Variants in AZIN2 observed in about 807,000 individuals in gnomAD.
AZIN2 encodes ODC antizyme inhibitor-2.
A neutral mutation model predicts 47.8 loss-of-function variants in AZIN2; 28 were observed. That is an observed-to-expected ratio of 0.59 (90% CI 0.43 to 0.80). The LOEUF (loss-of-function observed/expected upper bound fraction) is 0.80. Ranked by LOEUF, AZIN2 falls within the 30% of genes least tolerant of loss-of-function variation. The pLI is 0.00. For missense variants in AZIN2, 535 were observed against 582.5 expected (o/e 0.92, Z 0.84); for synonymous variants, 221 against 239.4 (o/e 0.92, Z 0.71).
the AZIN2 span, chr1:33,163,501 A>T: frequency 1.3e-5 from 2 of 152,244 alleles, no homozygotes; most frequent in Admixed American, 1.3e-4. Context: ...GTTCTGCTCA[A>T]CTGGTGCACC....
chr1:33,102,983 C>T (rs1439357240), intron 10 of AZIN2, among the ~76,000 whole-genome samples: 1 of 152,162 alleles, frequency 6.6e-6, no homozygotes, highest in Non-Finnish European at 1.5e-5. Flanking sequence ...ACATGCAGTC[C>T]ACCTGCAATT....
chr1:33,143,966 C>T, the AZIN2 span, among the ~76,000 whole-genome samples: 1 of 152,216 alleles, frequency 6.6e-6, no homozygotes. Flanking sequence ...GCCCCCATGT[C>T]TCTTGCCTGA....
At chr1:33,096,499 C>T (rs1315853936) in intron 8 of AZIN2, among the ~76,000 whole-genome samples, 1 of 152,186 alleles carries the variant, frequency 6.6e-6, no homozygotes, top group Non-Finnish European at 1.5e-5. Context: ...GTGATTTACA[C>T]AAGCACGAGG....
At chr1:33,133,581 A>G in the AZIN2 span, among the ~76,000 whole-genome samples, 206 of 152,334 alleles carry the variant, frequency 1.4e-3, no homozygotes, top group African/African-American at 4.7e-3. Context: ...GATGGTGATC[A>G]CTGCAGCTTG....
the AZIN2 span, among the ~76,000 whole-genome samples, chr1:33,155,519 T>C: frequency 6.6e-6 from 1 of 152,100 alleles, no homozygotes; most frequent in Non-Finnish European, 1.5e-5. Context: ...GCCTCCTTCC[T>C]GGTGTGTGTG....
the AZIN2 span, among the ~76,000 whole-genome samples, chr1:33,162,071 A>G: frequency 1.3e-5 from 2 of 151,978 alleles, no homozygotes; most frequent in Non-Finnish European, 2.9e-5. Flanking sequence ...GGTCTTTCCA[A>G]CTCACTTGGT....
At chr1:33,109,917 G>A (rs1372997242) in intron 10 of AZIN2, among the ~76,000 whole-genome samples, 1 of 152,090 alleles carries the variant, frequency 6.6e-6, no homozygotes, top group Non-Finnish European at 1.5e-5. Flanking sequence ...TTCTGAAACT[G>A]GATTTTTGTT....
chr1:33,154,652 GCTGGGTGCAGTGGCGTGTGC>G, the AZIN2 span, among the ~76,000 whole-genome samples: 6 of 149,690 alleles, frequency 4.0e-5, no homozygotes, highest in South Asian at 1.1e-3. Flanking sequence ...ACAAAAATTA[GCTGGGTGCAGTGGCGTGTGC>G]CTGTAATCCC....
chr1:33,082,519 C>T (rs1361695520), intron 4 of AZIN2, 165 bp downstream of exon 4: 1 of 563,484 alleles, frequency 1.8e-6, no homozygotes, highest in South Asian at 2.2e-5. Context: ...TTTGTCCTTG[C>T]CCCCAAACCT....
rs867663365 is a variant in AZIN2, at chr1:33,122,154, G to A, written c.*1972G>A. Among the ~76,000 whole-genome samples, 13 of 152,276 alleles carry A rather than the reference G, an allele frequency of 8.5e-5. No individual in the cohort carries two copies. Among genetic ancestry groups the A allele is most frequent in the Admixed American group, 3.9e-4 (6 of 15,290 alleles). On this transcript the variant is annotated 3_prime_UTR_variant, in exon 12 of 12. Transcript: ENST00000294517. ...CTCCAAGCACTCATACTTCTTTTGC[G>A]GAGAGGGACATAGGTTTTCTGCTGG...
In AZIN2 at chr1:33,092,142, T is replaced by C; in HGVS notation, c.372T>C (p.Ala124=). The C allele has an allele frequency of 6.2e-7, 1 of 1,614,206 alleles. No homozygotes were observed. Among genetic ancestry groups the C allele is most frequent in the Non-Finnish European group, 8.5e-7 (1 of 1,180,030 alleles). Residue 124 remains alanine, a synonymous_variant, in exon 6 of 12, where the codon GCT becomes GCC. Transcript: ENST00000294517. ...PCKQIAQIKY[A]AKHGIQLLSF... ...AGCAAATTGCACAGATCAAATATGCTGCCAAGCATGGGATCCAGCTGCTGA... is the reference window on the plus strand; with the variant it reads ...AGCAAATTGCACAGATCAAATATGCCGCCAAGCATGGGATCCAGCTGCTGA...
chr1:33,091,931 G>A (rs952223066), intron 5 of AZIN2, 119 bp from the exon 6 acceptor site: 2 of 1,025,522 alleles, frequency 2.0e-6, no homozygotes, highest in Non-Finnish European at 2.9e-6. Context: ...TTAGAGCAAG[G>A]CCCACTGTTA....
At chr1:33,129,488 A>T in the AZIN2 span, among the ~76,000 whole-genome samples, 1 of 152,224 alleles carries the variant, frequency 6.6e-6, no homozygotes, top group Non-Finnish European at 1.5e-5. This position sits in a 1 kb window ranked among gnomAD's most constrained non-coding sequence, Gnocchi z 4.1. Flanking sequence ...TAATGCTAAA[A>T]TTCTGCCCCA....
the AZIN2 span, chr1:33,158,407 G>A: frequency 2.1e-5 from 34 of 1,584,512 alleles, no homozygotes; most frequent in Middle Eastern, 1.7e-4. Flanking sequence ...ACCAGGGACT[G>A]GATTCCTGCC....
At chr1:33,147,757 G>T in the AZIN2 span, 1 of 1,593,898 alleles carries the variant, frequency 6.3e-7, no homozygotes, top group South Asian at 1.1e-5. The surrounding 1 kb of genome is among the most constrained non-coding windows in gnomAD (Gnocchi z 8.1). Flanking sequence ...GAGAGAAGAT[G>T]AGTGGGGAGA....
At chr1:33,125,523 T>C (rs1327455959), downstream of AZIN2, among the ~76,000 whole-genome samples, 1 of 152,220 alleles carries the variant, frequency 6.6e-6, no homozygotes, top group East Asian at 1.9e-4. Flanking sequence ...CATTGGCTCA[T>C]TCTCATCTTA....
chr1:33,130,272 C>T, the AZIN2 span, among the ~76,000 whole-genome samples: 1 of 152,168 alleles, frequency 6.6e-6, no homozygotes, highest in Non-Finnish European at 1.5e-5. Flanking sequence ...GGTGTGATTT[C>T]CTCCCGTTGA....
intron 5 of AZIN2, 46 bp downstream of exon 5, chr1:33,084,173 C>A (rs745577454): frequency 1.3e-6 from 2 of 1,597,198 alleles, no homozygotes; most frequent in Non-Finnish European, 1.7e-6. Flanking sequence ...GCCCACTGAA[C>A]ACACACATGG....
chr1:33,098,648 C>T (rs1488607275), intron 10 of AZIN2, among the ~76,000 whole-genome samples: 2 of 152,352 alleles, frequency 1.3e-5, no homozygotes, highest in East Asian at 3.9e-4. Flanking sequence ...AAACATTCCT[C>T]CTAGCCTGTG....
Sources: allele counts gnomAD v4.1 joint callset (sites outside exome capture counted in the v4.1 genomes callset), GRCh38; gene constraint gnomAD v4.1.1; non-coding constraint Gnocchi (gnomAD v3.1); transcripts MANE v1.5; gene names NCBI Gene and HGNC (gene_info 2026-07-23, HGNC 2026-07-21).